Variants in UMAD1 observed in about 807,000 individuals in gnomAD.
The protein encoded by UMAD1 is UBAP1-MVB12-associated (UMA) domain containing 1, also known as UBAP1-MVB12-associated (UMA)-domain containing protein 1.
A neutral mutation model predicts 6.1 loss-of-function variants in UMAD1; 8 were observed. The observed-to-expected ratio is 1.30, with a 90% confidence interval of 0.76 to 2.35. The LOEUF (loss-of-function observed/expected upper bound fraction) is 2.35. UMAD1 is among the 30% of genes most tolerant of loss of function. The pLI is 0.00. For synonymous variants in UMAD1, 56 were observed against 31.4 expected, an observed-to-expected ratio of 1.78 and a Z score of -2.61; for missense variants, 130 against 78.4, an observed-to-expected ratio of 1.66 and a Z score of -2.49.
chr7:7,808,835 A>G (rs1019847307), intron 3 of UMAD1, among the ~76,000 whole-genome samples: 3 of 152,022 alleles, frequency 2.0e-5, no homozygotes, highest in Admixed American at 2.0e-4. Context: ...GAATTCACAT[A>G]TGCATATGGA....
At chr7:7,732,774 A>T (rs1781281678) in intron 2 of UMAD1, among the ~76,000 whole-genome samples, 1 of 152,224 alleles carries the variant, frequency 6.6e-6, no homozygotes, top group South Asian at 2.1e-4. Context: ...TCAAGTTTAA[A>T]GTTGCACAAG....
intron 1 of UMAD1, among the ~76,000 whole-genome samples, chr7:7,650,899 T>C (rs1785210286): frequency 6.6e-6 from 1 of 152,196 alleles, no homozygotes; most frequent in South Asian, 2.1e-4. Context: ...CCCCAACACT[T>C]TATTATAACC....
intron 2 of UMAD1, among the ~76,000 whole-genome samples, chr7:7,674,158 C>T: frequency 6.6e-6 from 1 of 152,176 alleles, no homozygotes. Context: ...TCATCCTTTT[C>T]CATGCTGGAC....
At chr7:7,807,461 A>T (rs997516148) in intron 3 of UMAD1, among the ~76,000 whole-genome samples, 1 of 152,146 alleles carries the variant, frequency 6.6e-6, no homozygotes, top group African/African-American at 2.4e-5. Context: ...CCTATGCTAC[A>T]TTGTAATTTT....
In UMAD1 at chr7:7,705,477, C is replaced by G. The variant is rs28912701; in HGVS notation, c.82+32024C>G. 2.0e-3 allele frequency among the ~76,000 whole-genome samples: 302 copies of G among 152,144 alleles called. 1 individual carries two copies. Among genetic ancestry groups the G allele is most frequent in the African/African-American group, 6.8e-3 (281 of 41,506 alleles). On this transcript the variant is annotated intron_variant, in intron 2 of 3. Coordinates refer to ENST00000682710, the MANE Select transcript of UMAD1 (RefSeq NM_001302348.2). The stretch of plus-strand genomic sequence containing the variant: ...GGTCACTGCTCTGTACAGCCTGCAC[C>G]CAGTGTTTATATTCAGTGTGTTATT...
intron 1 of UMAD1, among the ~76,000 whole-genome samples, chr7:7,652,461 A>G (rs898888496): frequency 6.6e-6 from 1 of 152,238 alleles, no homozygotes; most frequent in Non-Finnish European, 1.5e-5. Flanking sequence ...GAAGCAAGTC[A>G]TTAGACAGCT....
intron 1 of UMAD1, among the ~76,000 whole-genome samples, chr7:7,668,523 A>T (rs1476981131): frequency 1.3e-5 from 2 of 152,208 alleles, no homozygotes; most frequent in Admixed American, 6.5e-5. Context: ...AAACTTTATC[A>T]TAGATGTGTA....
chr7:7,785,107 C>T (rs186607806), intron 2 of UMAD1, among the ~76,000 whole-genome samples: 408 of 152,102 alleles, frequency 2.7e-3, no homozygotes, highest in Non-Finnish European at 4.0e-3. Context: ...CAGATTTTAG[C>T]GGGTTAAGAG....
At chr7:7,837,579 T>C (rs1267019646) in intron 3 of UMAD1, among the ~76,000 whole-genome samples, 2 of 151,522 alleles carry the variant, frequency 1.3e-5, no homozygotes, top group Admixed American at 6.6e-5. Context: ...GGGTATTCAC[T>C]AAAGAAAAGA....
chr7:7,676,742 G>C (rs988262662), intron 2 of UMAD1, among the ~76,000 whole-genome samples: 1 of 152,094 alleles, frequency 6.6e-6, no homozygotes, highest in Non-Finnish European at 1.5e-5. Context: ...CCTTGATGAA[G>C]TTGAAATTGG....
chr7:7,700,726 A>G (rs1280586268), intron 2 of UMAD1, among the ~76,000 whole-genome samples: 1 of 152,166 alleles, frequency 6.6e-6, no homozygotes, highest in East Asian at 1.9e-4. Context: ...TGTCTCTACT[A>G]AAAATATAAA....
chr7:7,852,971 G>T (rs138378996), intron 3 of UMAD1, among the ~76,000 whole-genome samples: 149 of 152,280 alleles, frequency 9.8e-4, no homozygotes, highest in Admixed American at 2.4e-3. Flanking sequence ...TGGAATGAGG[G>T]TCGTATAGCC....
At position 7,790,403 on chromosome 7, in the gene UMAD1, C is replaced by G. The variant is rs548759772; in HGVS notation, c.83-11267C>G. On this transcript the variant is annotated intron_variant, in intron 2 of 3. Coordinates refer to ENST00000682710, the MANE Select transcript of UMAD1 (RefSeq NM_001302348.2). ...ATCCCATGCCAGCCTATGATTTTCA[C>G]TTTATTCTGTCTGCGTATTGTAGCC... Among the ~76,000 whole-genome samples, 9 of 152,320 alleles carry G rather than the reference C, an allele frequency of 5.9e-5. No individual in the cohort carries two copies. In the South Asian group the frequency reaches 1.9e-3, roughly 32 times the overall value.
rs367632170 is a variant in UMAD1, at chr7:7,779,744, A to G, written c.83-21926A>G. On this transcript the variant is annotated intron_variant, in intron 2 of 3. Coordinates refer to ENST00000682710, the MANE Select transcript of UMAD1 (RefSeq NM_001302348.2). ...ACTGCAACCTCCACCTCCTGTGCTCAAGGGATCTTCCCACCTCAGCCTCTA... is the reference window on the plus strand; with the variant it reads ...ACTGCAACCTCCACCTCCTGTGCTCGAGGGATCTTCCCACCTCAGCCTCTA... Among the ~76,000 whole-genome samples, 19 of 152,280 alleles carry G rather than the reference A, an allele frequency of 1.2e-4. 1 individual carries two copies. The South Asian group carries it at 2.7e-3, about 22-fold the overall frequency.
At chr7:7,798,382 A>G (rs2115271441) in intron 2 of UMAD1, among the ~76,000 whole-genome samples, 1 of 152,362 alleles carries the variant, frequency 6.6e-6, no homozygotes, top group African/African-American at 2.4e-5. Context: ...CTGTACTATA[A>G]GGATAATTTT....
intron 2 of UMAD1, among the ~76,000 whole-genome samples, chr7:7,762,337 G>T (rs75312303): frequency 0.12 from 17,638 of 152,184 alleles, 1,103 homozygotes; most frequent in South Asian, 0.16. Flanking sequence ...TCTTGTTTAA[G>T]TACATCAGTG....
rs1037954596 is a variant in UMAD1 at position 7,771,603 on chromosome 7, G to T, written c.83-30067G>T. The stretch of plus-strand genomic sequence containing the variant: ...TGTTTTATCACATTTGAATTCCATT[G>T]CAACCCTCCAGTGATGAGTCAGAAT... On this transcript the variant is annotated intron_variant, in intron 2 of 3. Coordinates refer to ENST00000682710, the MANE Select transcript of UMAD1 (RefSeq NM_001302348.2). Among the ~76,000 whole-genome samples the T allele has an allele frequency of 2.0e-5, 3 of 152,240 alleles. No homozygotes were observed. In the South Asian group the frequency reaches 6.2e-4, roughly 32 times the overall value.
chr7:7,838,166 G>A (rs1408419298), intron 3 of UMAD1, among the ~76,000 whole-genome samples: 3 of 151,994 alleles, frequency 2.0e-5, no homozygotes, highest in Non-Finnish European at 4.4e-5. Context: ...TGAAAGAGAG[G>A]CCAGATAAAT....
chr7:7,784,738 T>C (rs1782425731), intron 2 of UMAD1, among the ~76,000 whole-genome samples: 1 of 150,834 alleles, frequency 6.6e-6, no homozygotes, highest in East Asian at 2.0e-4. Context: ...TGTTTTACAT[T>C]AGCTTCTGCC....
Sources: allele counts gnomAD v4.1 joint callset (sites outside exome capture counted in the v4.1 genomes callset), GRCh38; gene constraint gnomAD v4.1.1; transcripts MANE v1.5; gene names NCBI Gene and HGNC (gene_info 2026-07-23, HGNC 2026-07-21).